The following POC1A variants were observed in gnomAD, a reference collection of about 807,000 sequenced individuals.
POC1A encodes POC1 centriolar protein A, also known as POC1 centriolar protein homolog A.
A neutral mutation model predicts 47.8 loss-of-function variants in POC1A; 34 were observed. The ratio of observed to expected loss-of-function variants is 0.71; its 90% confidence interval spans 0.54 to 0.95. The LOEUF (loss-of-function observed/expected upper bound fraction) is 0.95, where lower values mean the gene tolerates loss of function less well. POC1A is among the 40% of genes least tolerant of loss of function. POC1A has a pLI of 0.00. For missense variants in POC1A, 466 were observed against 528.3 expected, an observed-to-expected ratio of 0.88 and a Z score of 1.16; for synonymous variants, 177 against 207.6, an observed-to-expected ratio of 0.85 and a Z score of 1.27.
At chr3:52,111,777 C>T (rs1217740988) in intron 9 of POC1A, among the ~76,000 whole-genome samples, 1 of 152,118 alleles carries the variant, frequency 6.6e-6, no homozygotes, top group Non-Finnish European at 1.5e-5. Flanking sequence ...ATCTGCTTCC[C>T]TAAAGTCTAG....
At chr3:52,149,151 T>A (rs1453027007) in intron 4 of POC1A, 59 bp downstream of exon 4, 2 of 1,525,798 alleles carry the variant, frequency 1.3e-6, no homozygotes. Context: ...TAGCAGCCCC[T>A]GGGCCAGCCC....
chr3:52,088,065 A>G (rs1271123843), intron 10 of POC1A, among the ~76,000 whole-genome samples: 1 of 152,210 alleles, frequency 6.6e-6, no homozygotes, highest in Non-Finnish European at 1.5e-5. Flanking sequence ...CAATCCATAT[A>G]AAGTAGTTAG....
At chr3:52,116,701 A>C (rs1477346616) in intron 9 of POC1A, among the ~76,000 whole-genome samples, 3 of 152,188 alleles carry the variant, frequency 2.0e-5, no homozygotes. Flanking sequence ...TTGAACACAT[A>C]ATCTCCTGGA....
At position 52,084,408 on chromosome 3, in the gene POC1A, GC is replaced by G. The variant is rs762536286; in HGVS notation, c.1126-8424del. On this transcript the variant is annotated intron_variant, in intron 10 of 10. Transcript: ENST00000296484. The surrounding 1 kb of genome is among the most constrained non-coding windows in gnomAD (Gnocchi z 4.3). ...ACACTCACGACCCGCCTTGGGGGCA[GC>G]CAACAACATCATTCACTCCCATACC... Among the ~76,000 whole-genome samples the G allele has an allele frequency of 5.9e-5, 9 of 152,174 alleles. No homozygotes were observed. Among genetic ancestry groups the G allele is most frequent in the Admixed American group, 2.0e-4 (3 of 15,272 alleles).
chr3:52,137,531 G>A (rs1042880535), intron 7 of POC1A, among the ~76,000 whole-genome samples: 3 of 152,136 alleles, frequency 2.0e-5, no homozygotes, highest in South Asian at 4.1e-4. Context: ...ACTTCCTAGT[G>A]GAAGTACTAG....
intron 10 of POC1A, among the ~76,000 whole-genome samples, chr3:52,088,859 A>G (rs1419618204): frequency 1.4e-5 from 2 of 141,182 alleles, no homozygotes; most frequent in East Asian, 2.0e-4. Context: ...CCCTCCCGCC[A>G]TCTCCCAGCC....
chr3:52,089,168 C>T (rs1346437280), intron 10 of POC1A, among the ~76,000 whole-genome samples: 1 of 151,994 alleles, frequency 6.6e-6, no homozygotes, highest in Admixed American at 6.6e-5. Flanking sequence ...CTGCATGTCA[C>T]GAAGGAGGCA....
rs1269594580 is a variant in POC1A at position 52,090,727 on chromosome 3, A to C, written c.1125+5842T>G. ...CATCACCCCCAAGAGCACAAGGGGA[A>C]ACAGTACCAGGGTCAGGCCCAGGGC... On this transcript the variant is annotated intron_variant, in intron 10 of 10. Coordinates refer to ENST00000296484, the MANE Select transcript of POC1A (RefSeq NM_015426.5). The surrounding 1 kb of genome is among the most constrained non-coding windows in gnomAD (Gnocchi z 4.2). Among the ~76,000 whole-genome samples the C allele has an allele frequency of 6.6e-6, 1 of 151,604 alleles. No homozygotes were observed. Among genetic ancestry groups the C allele is most frequent in the Non-Finnish European group, 1.5e-5 (1 of 67,874 alleles).
chr3:52,113,928 T>A (rs981114375), intron 9 of POC1A, among the ~76,000 whole-genome samples: 2 of 152,218 alleles, frequency 1.3e-5, no homozygotes, highest in African/African-American at 4.8e-5. Context: ...AAGGCTGCTG[T>A]GGCCTCTCTT....
At chr3:52,132,680 A>G (rs1269978581) in intron 7 of POC1A, among the ~76,000 whole-genome samples, 2 of 152,162 alleles carry the variant, frequency 1.3e-5, no homozygotes, top group Admixed American at 1.3e-4. Context: ...TCAGGGCCAC[A>G]ATAAACTTGT....
At chr3:52,098,659 C>T (rs1165132144) in intron 9 of POC1A, among the ~76,000 whole-genome samples, 1 of 152,164 alleles carries the variant, frequency 6.6e-6, no homozygotes, top group African/African-American at 2.4e-5. Flanking sequence ...AGTCAGAAAA[C>T]GACTGTCTAA....
chr3:52,105,427 G>C (rs779991118), intron 9 of POC1A, among the ~76,000 whole-genome samples: 5 of 152,190 alleles, frequency 3.3e-5, no homozygotes, highest in Non-Finnish European at 5.9e-5. Flanking sequence ...TTCATGAAAA[G>C]TTGACAGGCA....
rs147071412 is a variant in POC1A at position 52,147,022 on chromosome 3, G to A, written c.529C>T (p.Arg177Trp). ...KTVKLWDKSS[R>W]ECVHSYCEHG... ...TCACAATACGAGTGGACACATTCCC[G>A]GCTGCTCTTGTCCCACAGCTTAACA... Residue 177 changes from arginine (R) to tryptophan (W), a missense_variant, in exon 5 of 11, where the codon CGG becomes TGG. By Grantham distance (101) the Arg-to-Trp change is moderately radical. Transcript: ENST00000296484. 161 of 1,614,008 alleles carry A rather than the reference G, an allele frequency of 1.0e-4. No individual in the cohort carries two copies. The African/African-American group carries it at 1.0e-3, about 10-fold the overall frequency.
chr3:52,142,814 T>C (rs2107178337), intron 6 of POC1A, among the ~76,000 whole-genome samples: 1 of 152,192 alleles, frequency 6.6e-6, no homozygotes, highest in African/African-American at 2.4e-5. Context: ...CCACTGCACC[T>C]ATGGGGGTGG....
rs1455874234 is a variant in POC1A, at chr3:52,084,467, G to C, written c.1126-8482C>G. Among the ~76,000 whole-genome samples the C allele has an allele frequency of 1.3e-5, 2 of 152,192 alleles. No homozygotes were observed. Among genetic ancestry groups the C allele is most frequent in the Non-Finnish European group, 2.9e-5 (2 of 68,034 alleles). ...GGCACCCACCACAGGCAGCAAACAA[G>C]GGACCCTAGCTCTTGGGGGCTTCCG... On this transcript the variant is annotated intron_variant, in intron 10 of 10. Coordinates refer to ENST00000296484, the MANE Select transcript of POC1A (RefSeq NM_015426.5). This position sits in a 1 kb window ranked among gnomAD's most constrained non-coding sequence, Gnocchi z 4.3.
chr3:52,133,357 A>G (rs977512858), intron 7 of POC1A, among the ~76,000 whole-genome samples: 5 of 152,208 alleles, frequency 3.3e-5, no homozygotes, highest in African/African-American at 4.8e-5. Context: ...TCTGTTCTTG[A>G]TAAGTTACCC....
intron 3 of POC1A, 35 bp from the exon 4 acceptor site, chr3:52,149,424 A>G (rs755076385): frequency 1.4e-5 from 22 of 1,600,050 alleles, no homozygotes; most frequent in South Asian, 2.2e-5. Context: ...AAGGAAACCC[A>G]TAACAGTGAC....
intron 7 of POC1A, among the ~76,000 whole-genome samples, chr3:52,136,387 G>C (rs1382737080): frequency 6.6e-6 from 1 of 152,060 alleles, no homozygotes; most frequent in Non-Finnish European, 1.5e-5. Flanking sequence ...AGCCTAACTC[G>C]TCTCATGCTG....
intron 5 of POC1A, among the ~76,000 whole-genome samples, chr3:52,146,710 A>G (rs921202240): frequency 1.3e-5 from 2 of 152,254 alleles, no homozygotes; most frequent in Non-Finnish European, 2.9e-5. Context: ...TGAAGGAGAA[A>G]AAGAGGAGCA....
Sources: gnomAD v4.1 joint callset for allele counts (sites outside exome capture counted in the v4.1 genomes callset) on GRCh38, gnomAD v4.1.1 for gene constraint, Gnocchi (gnomAD v3.1) non-coding constraint, MANE v1.5 for transcripts, NCBI Gene and HGNC (gene_info 2026-07-23, HGNC 2026-07-21) for gene names.